The following LRIG1 variants were observed in gnomAD, a reference collection of about 807,000 sequenced individuals.
LRIG1 encodes the protein leucine rich repeats and immunoglobulin like domains 1, also known as leucine-rich repeats and immunoglobulin-like domains protein 1.
A neutral mutation model predicts 99.2 loss-of-function variants in LRIG1; 48 were observed. The ratio of observed to expected loss-of-function variants is 0.48; its 90% CI spans 0.38 to 0.62. The LOEUF is 0.62. LRIG1 is among the 20% of genes least tolerant of loss of function. The pLI, the probability that LRIG1 is intolerant of heterozygous loss-of-function variation, is 0.00. For missense variants in LRIG1, 1,646 were observed against 1,434.4 expected (o/e 1.15, Z -2.38); for synonymous variants, 772 against 596.1 (o/e 1.29, Z -4.30).
chr3:66,490,840 G>A (rs569428516), intron 1 of LRIG1, among the ~76,000 whole-genome samples: 2 of 152,306 alleles, frequency 1.3e-5, no homozygotes, highest in African/African-American at 4.8e-5. Context: ...ACAGATAGAA[G>A]ATGGAAGTCA....
chr3:66,382,894 T>C (rs1287422196), intron 15 of LRIG1, 88 bp downstream of exon 15: 3 of 1,287,810 alleles, frequency 2.3e-6, no homozygotes, highest in Non-Finnish European at 3.2e-6. Flanking sequence ...GTGCAATTCT[T>C]TCAAAAGCCA....
Position 66,417,177 on chromosome 3 carries a change from G to A in LRIG1, c.455C>T (p.Thr152Met), listed in dbSNP as rs61751733. Reference sequence around the variant, plus strand: ...TGGAAAGCAGGTGTTCCGCACTTCCGTGATGTTGTTCAAACTCAGATCTAA... The same window carrying A: ...TGGAAAGCAGGTGTTCCGCACTTCCATGATGTTGTTCAAACTCAGATCTAA... Reference protein sequence around the residue: ...EVLDLSLNNITEVRNTCFPHG... With the variant: ...EVLDLSLNNIMEVRNTCFPHG... The change falls in exon 4 of 19, where the codon ACG (threonine) becomes ATG (methionine). Residue 152 changes from threonine to methionine, a missense_variant. Physicochemically the swap from Thr to Met is moderately conservative, Grantham distance 81. Transcript: ENST00000273261. The A allele has an allele frequency of 1.6e-5, 26 of 1,614,190 alleles. No individual in the cohort carries two copies. The East Asian group carries it at 2.2e-4, about 14-fold the overall frequency.
intron 1 of LRIG1, among the ~76,000 whole-genome samples, chr3:66,496,676 GTTGAGT>G (rs1361907866): frequency 6.6e-6 from 1 of 152,066 alleles, no homozygotes; most frequent in Admixed American, 6.5e-5. Flanking sequence ...TTCAAAGTCT[GTTGAGT>G]TTAAGTGATA....
intron 11 of LRIG1, among the ~76,000 whole-genome samples, chr3:66,396,809 T>G (rs9842674): frequency 0.016 from 2,508 of 152,348 alleles, 76 homozygotes; most frequent in African/African-American, 0.057. Context: ...AATTCCACAG[T>G]GAATGCTCCT....
intron 1 of LRIG1, among the ~76,000 whole-genome samples, chr3:66,490,042 T>A (rs1437141121): frequency 6.6e-6 from 1 of 152,166 alleles, no homozygotes; most frequent in Non-Finnish European, 1.5e-5. Flanking sequence ...AGTAATGAAA[T>A]GAATATAATT....
At chr3:66,415,803 A>C (rs536837931) in intron 4 of LRIG1, among the ~76,000 whole-genome samples, 1 of 152,324 alleles carries the variant, frequency 6.6e-6, no homozygotes, top group South Asian at 2.1e-4. Context: ...AAAGAAAAGA[A>C]AGTACAAGGA....
At position 66,407,443 on chromosome 3, in the gene LRIG1, G is replaced by A. The variant is rs778065857; in HGVS notation, c.984C>T (p.Ala328=). 26 of 1,613,872 alleles carry A rather than the reference G, an allele frequency of 1.6e-5. No individual in the cohort carries two copies. Among genetic ancestry groups the A allele is most frequent in the Middle Eastern group, 1.6e-4 (1 of 6,082 alleles). Residue 328 remains alanine (A), a synonymous_variant, in exon 8 of 19, where the codon GCC becomes GCT. Coordinates refer to ENST00000273261, the MANE Select transcript of LRIG1 (RefSeq NM_015541.3). The stretch of plus-strand genomic sequence containing the variant: ...GCAGGACACTCAGGCTGCTCAGCTC[G>A]GCCAGGCTCTCCTCGTCCAGCCGTG... ...NLTRLDEESL[A]ELSSLSVLRL...
intron 1 of LRIG1, among the ~76,000 whole-genome samples, chr3:66,468,363 A>T (rs1211257688): frequency 1.3e-5 from 2 of 152,176 alleles, no homozygotes; most frequent in East Asian, 3.8e-4. Flanking sequence ...CCATGGCTCC[A>T]TTTTTCAACA....
At chr3:66,479,894 T>G (rs572483220) in intron 1 of LRIG1, among the ~76,000 whole-genome samples, 2 of 152,304 alleles carry the variant, frequency 1.3e-5, no homozygotes, top group South Asian at 4.1e-4. Context: ...AGTCTAGCAG[T>G]TCCTCAAAAA....
intron 1 of LRIG1, among the ~76,000 whole-genome samples, chr3:66,464,457 G>A (rs1209347073): frequency 3.3e-5 from 5 of 149,904 alleles, no homozygotes; most frequent in African/African-American, 7.4e-5. Flanking sequence ...AGAGGCTCAC[G>A]ATCTGAATTC....
chr3:66,455,773 A>G (rs1417103523), intron 2 of LRIG1, among the ~76,000 whole-genome samples: 4 of 152,250 alleles, frequency 2.6e-5, no homozygotes, highest in Non-Finnish European at 5.9e-5. Flanking sequence ...TTTAGTTACT[A>G]GAGAATAATG....
intron 1 of LRIG1, among the ~76,000 whole-genome samples, chr3:66,475,115 A>C (rs1245935047): frequency 6.6e-6 from 1 of 152,190 alleles, no homozygotes; most frequent in Admixed American, 6.5e-5. Context: ...CAGCTGCCCT[A>C]TGAAAACAGC....
rs764578109 is a variant in LRIG1 at position 66,405,246 on chromosome 3, A to G, written c.1112T>C (p.Ile371Thr). Residue 371 changes from isoleucine to threonine, a missense_variant, in exon 9 of 19, where the codon ATA becomes ACA. Physicochemically the swap from Ile to Thr is moderately conservative, Grantham distance 89. Transcript: ENST00000273261. The part of the protein sequence containing the change: ...DLDHNEISGT[I>T]EDTSGAFSGL... ...TGAGAAGGCGCCGCTCGTGTCCTCT[A>G]TTGTGCCCGAAATCTCGTTATGGTC... is the stretch of plus-strand genomic sequence containing the variant. The G allele has an allele frequency of 1.9e-5, 30 of 1,613,992 alleles. No homozygotes were observed. Among genetic ancestry groups the G allele is most frequent in the Admixed American group, 6.7e-5 (4 of 60,004 alleles).
intron 2 of LRIG1, among the ~76,000 whole-genome samples, chr3:66,458,482 C>G (rs573975214): frequency 2.6e-5 from 4 of 152,250 alleles, no homozygotes; most frequent in Middle Eastern, 3.4e-3. Flanking sequence ...GCAGGCAGAT[C>G]ACATGAGGCC....
At chr3:66,382,199 G>C (rs1054411586) in intron 16 of LRIG1, 74 bp downstream of exon 16, 1 of 1,579,460 alleles carries the variant, frequency 6.3e-7, no homozygotes, top group Admixed American at 1.7e-5. Context: ...GCCCTGTAAA[G>C]ACCTGGAGGC....
intron 1 of LRIG1, among the ~76,000 whole-genome samples, chr3:66,489,387 T>A (rs1018396006): frequency 6.6e-6 from 1 of 152,082 alleles, no homozygotes; most frequent in African/African-American, 2.4e-5. Context: ...CCAGGTGTGG[T>A]GGCACATGCC....
rs540350821 is a variant in LRIG1 at position 66,385,833 on chromosome 3, C to A, written c.1789+148G>T. 1.3e-4 allele frequency: 97 copies of A among 758,550 alleles called. 2 individuals are homozygous for A. The South Asian group carries it at 1.7e-3, about 13-fold the overall frequency. The allele number at this position is 758,550 out of a possible 1,614,324, so 47.0% of individuals were successfully genotyped here. Reference sequence around the variant, plus strand: ...GAAATCTGCAAAACTTGCTCTGGGGCAAACCCAGGCAACAATAGGATTTAA... The same window carrying A: ...GAAATCTGCAAAACTTGCTCTGGGGAAAACCCAGGCAACAATAGGATTTAA... On this transcript the variant is annotated intron_variant, in intron 13 of 18. Transcript: ENST00000273261.
rs1052120134 is a variant in LRIG1, at chr3:66,479,113, T to C, written c.219-16604A>G. ...ACTTCACACCTCCCTATTGTAAACCTGTCCAGAGCAATTACCCTGCCTGCA... is the reference window on the plus strand; with the variant it reads ...ACTTCACACCTCCCTATTGTAAACCCGTCCAGAGCAATTACCCTGCCTGCA... On this transcript the variant is annotated intron_variant, in intron 1 of 18. Coordinates refer to ENST00000273261, the MANE Select transcript of LRIG1 (RefSeq NM_015541.3). Among the ~76,000 whole-genome samples, 7 of 152,374 alleles carry C rather than the reference T, an allele frequency of 4.6e-5. 1 individual carries two copies. The South Asian group carries it at 8.3e-4, about 18-fold the overall frequency.
At position 66,381,587 on chromosome 3, in the gene LRIG1, G is replaced by A; in HGVS notation, c.2662C>T (p.His888Tyr). ...DASHFPEPDT[H>Y]SVACRQPKLC... ...TTTGGCTGCCTGCAGGCAACGCTGT[G>A]AGTGTCGGGCTCTGGAAAGTGGCTT... Residue 888 changes from histidine to tyrosine, a missense_variant, in exon 17 of 19, where the codon CAC becomes TAC. His to Tyr is a moderately conservative substitution (Grantham distance 83, BLOSUM62 2). Transcript: ENST00000273261. 3 of 1,614,126 alleles carry A rather than the reference G, an allele frequency of 1.9e-6. No individual in the cohort carries two copies. Among genetic ancestry groups the A allele is most frequent in the Non-Finnish European group, 2.5e-6 (3 of 1,179,968 alleles).
Sources: gnomAD v4.1 joint callset for allele counts (sites outside exome capture counted in the v4.1 genomes callset) on GRCh38, gnomAD v4.1.1 for gene constraint, MANE v1.5 for transcripts, NCBI Gene and HGNC (gene_info 2026-07-23, HGNC 2026-07-21) for gene names.